Variants in SHB observed in about 807,000 individuals in gnomAD.
SHB encodes SH2 domain containing adaptor protein B, also known as SH2 domain-containing adapter protein B.
In SHB, 20 loss-of-function variants were observed where a neutral mutation model predicts 52.3. The observed-to-expected ratio is 0.38, with a 90% confidence interval of 0.27 to 0.56. The LOEUF (loss-of-function observed/expected upper bound fraction) is 0.56. SHB is among the 20% of genes least tolerant of loss of function. The pLI is 0.71. For missense variants in SHB, 825 were observed against 723.3 expected, an observed-to-expected ratio of 1.14 and a Z score of -1.61; for synonymous variants, 397 against 316.5, an observed-to-expected ratio of 1.25 and a Z score of -2.70.
chr9:37,924,842 T>C (rs924877264), intron 5 of SHB, among the ~76,000 whole-genome samples: 36 of 152,300 alleles, frequency 2.4e-4, no homozygotes, highest in African/African-American at 8.7e-4. Flanking sequence ...TCATGGGACA[T>C]GGTAGGGCTA....
intron 1 of SHB, among the ~76,000 whole-genome samples, chr9:38,052,388 C>T (rs1265771132): frequency 2.0e-5 from 3 of 152,188 alleles, no homozygotes; most frequent in South Asian, 2.1e-4. Context: ...GCACATGTTC[C>T]GTCCGGCTCT....
At chr9:37,957,947 T>C (rs947063870) in intron 3 of SHB, among the ~76,000 whole-genome samples, 9 of 152,242 alleles carry the variant, frequency 5.9e-5, no homozygotes, top group Non-Finnish European at 1.2e-4. Context: ...AGACACAAAA[T>C]GATCCAGAGT....
Position 38,068,194 on chromosome 9 carries a change from G to C in SHB, c.452C>G (p.Ser151Cys). ...CGGAGAGCCGGAGGACGAGGACGAG[G>C]ACGCGGCGGCCCCCGCGCCCGAGGA... ...CASSGAGAAA[S>C]SSSSSGSPHL... Residue 151 changes from serine to cysteine, a missense_variant, in exon 1 of 6, where the codon TCC becomes TGC. Coordinates refer to ENST00000377707, the MANE Select transcript of SHB (RefSeq NM_003028.3). 1 of 1,408,442 alleles carries C rather than the reference G, an allele frequency of 7.1e-7. No individual in the cohort carries two copies. The highest frequency in any genetic ancestry group is 9.1e-7 in the Non-Finnish European group (1 of 1,094,610). 87.2% of individuals were successfully genotyped at this position (1,408,442 alleles called of 1,614,324 possible). A position where few individuals can be genotyped will look rare whatever the true frequency, so the allele number is the denominator to read the frequency against.
chr9:37,959,922 A>G (rs1832676350), intron 3 of SHB, among the ~76,000 whole-genome samples: 1 of 152,218 alleles, frequency 6.6e-6, no homozygotes, highest in African/African-American at 2.4e-5. Context: ...ATTACCGGCA[A>G]CATAACAGGT....
At chr9:38,027,281 C>T (rs1223199670) in intron 1 of SHB, among the ~76,000 whole-genome samples, 4 of 152,226 alleles carry the variant, frequency 2.6e-5, no homozygotes, top group African/African-American at 9.6e-5. Context: ...TGGAGCTCTA[C>T]TTTCTCTAAG....
At chr9:37,949,561 G>T (rs540569761) in intron 4 of SHB, among the ~76,000 whole-genome samples, 1 of 152,292 alleles carries the variant, frequency 6.6e-6, no homozygotes, top group East Asian at 1.9e-4. Flanking sequence ...GCTGCCTAGC[G>T]TATTCTGGAA....
At chr9:37,983,219 G>C (rs964406177) in intron 2 of SHB, among the ~76,000 whole-genome samples, 8 of 152,236 alleles carry the variant, frequency 5.3e-5, no homozygotes, top group Non-Finnish European at 1.0e-4. Context: ...GGGGGAACCT[G>C]GGAGGGCCTT....
intron 3 of SHB, among the ~76,000 whole-genome samples, chr9:37,959,376 C>T (rs1458950624): frequency 6.6e-6 from 1 of 152,138 alleles, no homozygotes; most frequent in African/African-American, 2.4e-5. Flanking sequence ...ACTCAGCAGG[C>T]ATCCTGGCCC....
intron 2 of SHB, among the ~76,000 whole-genome samples, chr9:38,012,623 G>A (rs1396649954): frequency 1.3e-5 from 2 of 151,996 alleles, no homozygotes; most frequent in Admixed American, 6.6e-5. Context: ...CCTGCTCTGA[G>A]GCTACTGCTT....
At chr9:37,947,449 T>G (rs1832505538) in intron 5 of SHB, among the ~76,000 whole-genome samples, 1 of 152,194 alleles carries the variant, frequency 6.6e-6, no homozygotes, top group Non-Finnish European at 1.5e-5. Flanking sequence ...GTACATCAGC[T>G]CCCTCTGCCC....
intron 2 of SHB, among the ~76,000 whole-genome samples, chr9:38,010,275 G>A (rs1464453293): frequency 6.6e-6 from 1 of 152,134 alleles, no homozygotes; most frequent in Non-Finnish European, 1.5e-5. Flanking sequence ...TGGCACACAG[G>A]GAAGCCCTTT....
At chr9:37,975,003 G>A (rs958003790) in intron 2 of SHB, among the ~76,000 whole-genome samples, 166 bp from the exon 3 acceptor site, 3 of 152,150 alleles carry the variant, frequency 2.0e-5, no homozygotes, top group South Asian at 2.1e-4. Context: ...CCCCAGTGCC[G>A]CGTCTCTGCT....
intron 2 of SHB, among the ~76,000 whole-genome samples, chr9:38,013,389 T>C (rs1026034573): frequency 6.6e-6 from 1 of 152,144 alleles, no homozygotes; most frequent in African/African-American, 2.4e-5. Flanking sequence ...GGTGGGAGGA[T>C]TGCTTCAGTC....
At chr9:38,018,360 C>G (rs1644398863) in intron 1 of SHB, among the ~76,000 whole-genome samples, 3 of 152,134 alleles carry the variant, frequency 2.0e-5, no homozygotes, top group Admixed American at 1.3e-4. Context: ...GAGATCTGAG[C>G]TCAGGCTGTC....
intron 1 of SHB, among the ~76,000 whole-genome samples, chr9:38,066,035 C>T (rs547807909): frequency 1.9e-4 from 29 of 152,286 alleles, no homozygotes; most frequent in South Asian, 1.0e-3. Context: ...ATCACCATCA[C>T]GCCACTATGG....
chr9:38,025,941 T>C (rs1821335335), intron 1 of SHB, among the ~76,000 whole-genome samples: 1 of 152,230 alleles, frequency 6.6e-6, no homozygotes, highest in African/African-American at 2.4e-5. Context: ...AGAGGACCTA[T>C]GTCATCTGTT....
At chr9:37,974,902 C>A in intron 2 of SHB, 65 bp from the exon 3 acceptor site, 4 of 1,302,394 alleles carry the variant, frequency 3.1e-6, no homozygotes, top group Non-Finnish European at 2.2e-6. Flanking sequence ...TGCATTCCCA[C>A]CCAGAAACAC....
intron 1 of SHB, among the ~76,000 whole-genome samples, chr9:38,042,078 CA>C (rs1564108852): frequency 6.7e-6 from 1 of 150,312 alleles, no homozygotes; most frequent in Non-Finnish European, 1.5e-5. Flanking sequence ...TGGCTTCGCC[CA>C]GAAGGCATCA....
intron 2 of SHB, among the ~76,000 whole-genome samples, chr9:37,982,766 T>A (rs2117990007): frequency 6.6e-6 from 1 of 151,478 alleles, no homozygotes; most frequent in Non-Finnish European, 1.5e-5. Flanking sequence ...GCTATTGCAC[T>A]CCAGCCTGCG....
Sources: allele counts gnomAD v4.1 joint callset (sites outside exome capture counted in the v4.1 genomes callset), GRCh38; gene constraint gnomAD v4.1.1; transcripts MANE v1.5; gene names NCBI Gene and HGNC (gene_info 2026-07-23, HGNC 2026-07-21).